Variants in MSRA observed in about 807,000 individuals in gnomAD.
The protein encoded by MSRA is mitochondrial peptide methionine sulfoxide reductase.
A neutral mutation model predicts 31.3 loss-of-function variants in MSRA; 54 were observed. The observed-to-expected ratio is 1.73, with a 90% CI of 1.39 to 2.17. The LOEUF is 2.17. MSRA is among the 30% of genes most tolerant of loss of function. The pLI is 0.00. For missense variants in MSRA, 507 were observed against 300.9 expected (o/e 1.69, Z -5.07); for synonymous variants, 169 against 116.5 (o/e 1.45, Z -2.90).
intron 1 of MSRA, among the ~76,000 whole-genome samples, chr8:10,173,255 C>T (rs886323749): frequency 3.3e-5 from 5 of 152,206 alleles, no homozygotes; most frequent in African/African-American, 9.6e-5. Flanking sequence ...GAAGGCTCTC[C>T]GTGTCTGCCT....
rs7014003 is a variant in MSRA at position 10,268,168 on chromosome 8, A to G, written c.331+22945A>G. 9.5e-3 allele frequency among the ~76,000 whole-genome samples: 1,445 copies of G among 152,320 alleles called. 21 individuals are homozygous for G. Among genetic ancestry groups the G allele is most frequent in the African/African-American group, 0.032 (1,318 of 41,578 alleles). Reference sequence around the variant, plus strand: ...GCAGAGCAGTCCTGGTGTTGAAGGAATTCATAACCTGGTGGAGGAGATGGA... The same window carrying G: ...GCAGAGCAGTCCTGGTGTTGAAGGAGTTCATAACCTGGTGGAGGAGATGGA... On this transcript the variant is annotated intron_variant, in intron 3 of 5. Transcript: ENST00000317173.
chr8:10,373,994 T>C (rs564979095), intron 5 of MSRA, among the ~76,000 whole-genome samples: 2 of 152,306 alleles, frequency 1.3e-5, no homozygotes, highest in Admixed American at 6.5e-5. Flanking sequence ...CTCACTGCCA[T>C]GCTCGCCCTC....
At chr8:10,192,702 G>C (rs1204079080) in intron 1 of MSRA, among the ~76,000 whole-genome samples, 2 of 152,186 alleles carry the variant, frequency 1.3e-5, no homozygotes, top group African/African-American at 4.8e-5. Flanking sequence ...CAGTATGTAA[G>C]GGTATGTTCT....
intron 3 of MSRA, among the ~76,000 whole-genome samples, chr8:10,299,186 TC>T (rs1800707700): frequency 1.3e-5 from 2 of 152,100 alleles, no homozygotes; most frequent in Non-Finnish European, 2.9e-5. Flanking sequence ...ATGTATTTCT[TC>T]ACATAGGAAG....
chr8:10,244,339 C>T (rs1174589057), intron 2 of MSRA, among the ~76,000 whole-genome samples: 3 of 152,100 alleles, frequency 2.0e-5, no homozygotes, highest in Non-Finnish European at 2.9e-5. Flanking sequence ...TTGCGACGTG[C>T]GTGAGTGTGT....
rs556374155 is a variant in MSRA at position 10,162,956 on chromosome 8, G to A, written c.143-44877G>A. Among the ~76,000 whole-genome samples the A allele has an allele frequency of 1.1e-4, 17 of 152,276 alleles. No individual in the cohort carries two copies. In the East Asian group the frequency reaches 2.9e-3, roughly 26 times the overall value. ...AAGTTTGCACCTCTCCAAATTCCTAGGTTGAAATCCTAGCCCACAAATTCG... is the reference window on the plus strand; with the variant it reads ...AAGTTTGCACCTCTCCAAATTCCTAAGTTGAAATCCTAGCCCACAAATTCG... On this transcript the variant is annotated intron_variant, in intron 1 of 5. Transcript: ENST00000317173.
chr8:10,081,556 C>G (rs1299308797), intron 1 of MSRA, among the ~76,000 whole-genome samples: 1 of 152,160 alleles, frequency 6.6e-6, no homozygotes. Flanking sequence ...GTGGCGTGAT[C>G]TCAGTTCACT....
Position 10,074,359 on chromosome 8 carries a change from G to T in MSRA, c.142+19701G>T, listed in dbSNP as rs190256375. 3.9e-3 allele frequency among the ~76,000 whole-genome samples: 593 copies of T among 152,040 alleles called. 2 individuals carry two copies. Among genetic ancestry groups the T allele is most frequent in the Admixed American group, 0.01 (154 of 15,290 alleles). ...GGCCTCCCAAAGTGCTGGGATTACA[G>T]GTGTGAGCTGCCGCACCCAGCCTGT... On this transcript the variant is annotated intron_variant, in intron 1 of 5. Transcript: ENST00000317173.
At chr8:10,379,412 C>G (rs1371762835) in intron 5 of MSRA, among the ~76,000 whole-genome samples, 1 of 152,218 alleles carries the variant, frequency 6.6e-6, no homozygotes, top group Non-Finnish European at 1.5e-5. Flanking sequence ...CGAGTCTTTT[C>G]TCATTTCACT....
intron 1 of MSRA, among the ~76,000 whole-genome samples, chr8:10,068,479 T>C (rs1178843411): frequency 6.6e-6 from 1 of 152,236 alleles, no homozygotes; most frequent in East Asian, 1.9e-4. Flanking sequence ...TCCAAGTTGA[T>C]TTTTGTGAAG....
intron 5 of MSRA, among the ~76,000 whole-genome samples, chr8:10,369,064 G>A (rs1805329918): frequency 6.6e-6 from 1 of 152,192 alleles, no homozygotes; most frequent in Non-Finnish European, 1.5e-5. Flanking sequence ...CCAAGCTCAG[G>A]ATTCACAATG....
At chr8:10,209,199 T>C (rs147675969) in intron 2 of MSRA, among the ~76,000 whole-genome samples, 14 of 152,358 alleles carry the variant, frequency 9.2e-5, no homozygotes, top group African/African-American at 2.2e-4. Flanking sequence ...TTGCTAACTT[T>C]CCTGTCCCAG....
intron 1 of MSRA, among the ~76,000 whole-genome samples, chr8:10,154,454 T>A (rs1182957802): frequency 1.3e-5 from 2 of 152,072 alleles, no homozygotes; most frequent in African/African-American, 4.8e-5. Flanking sequence ...CTCGGCTCAC[T>A]GCAAGCTCTG....
At chr8:10,308,556 G>A (rs1052083841) in intron 4 of MSRA, among the ~76,000 whole-genome samples, 5 of 152,188 alleles carry the variant, frequency 3.3e-5, no homozygotes, top group Non-Finnish European at 7.3e-5. Flanking sequence ...GCACTTTGCC[G>A]GTTGCCCGAT....
intron 3 of MSRA, among the ~76,000 whole-genome samples, chr8:10,270,750 A>G (rs1399484393): frequency 6.6e-6 from 1 of 152,262 alleles, no homozygotes; most frequent in African/African-American, 2.4e-5. Context: ...GCTCATTCAC[A>G]TCAGACCCTA....
At chr8:10,276,098 G>T (rs1212205363) in intron 3 of MSRA, among the ~76,000 whole-genome samples, 1 of 152,142 alleles carries the variant, frequency 6.6e-6, no homozygotes, top group African/African-American at 2.4e-5. Flanking sequence ...TGCAGCGGTC[G>T]TTACTGTGGG....
At chr8:10,072,585 A>G (rs1797790176) in intron 1 of MSRA, among the ~76,000 whole-genome samples, 1 of 152,152 alleles carries the variant, frequency 6.6e-6, no homozygotes, top group African/African-American at 2.4e-5. Context: ...AGCTGTTCTA[A>G]GGTCTGTCCC....
At chr8:10,113,292 CTTTTTTTTTTT>C (rs10665004) in intron 1 of MSRA, among the ~76,000 whole-genome samples, 1 of 57,596 alleles carries the variant, frequency 1.7e-5, no homozygotes, top group Non-Finnish European at 2.9e-5. Context: ...GACAGGTCTT[CTTTTTTTTTTT>C]TTTTTTTTTT....
At chr8:10,378,006 C>A (rs1369602752) in intron 5 of MSRA, among the ~76,000 whole-genome samples, 1 of 152,224 alleles carries the variant, frequency 6.6e-6, no homozygotes, top group African/African-American at 2.4e-5. Context: ...TTCTAATCAG[C>A]ACCACCTGCT....
Sources: gnomAD v4.1 joint callset for allele counts (sites outside exome capture counted in the v4.1 genomes callset) on GRCh38, gnomAD v4.1.1 for gene constraint, MANE v1.5 for transcripts, NCBI Gene and HGNC (gene_info 2026-07-23, HGNC 2026-07-21) for gene names.